The following ARHGAP22 variants were observed in gnomAD, a reference collection of about 807,000 sequenced individuals.
ARHGAP22 encodes the protein rho GTPase-activating protein 22.
Under a neutral mutation model 59.1 loss-of-function variants are expected in ARHGAP22, and 48 were observed. That is an observed-to-expected ratio of 0.81 (90% CI 0.64 to 1.03). The LOEUF is 1.03. Ranked by LOEUF, ARHGAP22 falls within the 50% of genes least tolerant of loss-of-function variation. The pLI, the probability that ARHGAP22 is intolerant of heterozygous loss-of-function variation, is 0.00. For missense variants in ARHGAP22, 1,015 were observed against 958.7 expected (o/e 1.06, Z -0.78); for synonymous variants, 445 against 416.4 (o/e 1.07, Z -0.84).
At chr10:48,618,388 TAAC>T (rs1458498794) in intron 1 of ARHGAP22, among the ~76,000 whole-genome samples, 1 of 151,758 alleles carries the variant, frequency 6.6e-6, no homozygotes, top group East Asian at 1.9e-4. Flanking sequence ...AAGGACACAA[TAAC>T]AACAACAAAA....
At chr10:48,494,573 A>C (rs2050735315) in intron 3 of ARHGAP22, among the ~76,000 whole-genome samples, 1 of 152,110 alleles carries the variant, frequency 6.6e-6, no homozygotes, top group East Asian at 1.9e-4. Context: ...CTGCCCATCT[A>C]TCCATCTGCT....
intron 3 of ARHGAP22, chr10:48,493,334 T>C (rs143760197): frequency 3.6e-5 from 43 of 1,188,066 alleles, no homozygotes; most frequent in Non-Finnish European, 5.1e-5. Context: ...TCTCTTTACC[T>C]GGTTGCGGCC....
At chr10:48,554,691 C>T (rs2057169233) in intron 3 of ARHGAP22, among the ~76,000 whole-genome samples, 1 of 152,174 alleles carries the variant, frequency 6.6e-6, no homozygotes, top group Admixed American at 6.5e-5. Context: ...GGTAGAGCCC[C>T]AGCCTCACTT....
At chr10:48,539,290 C>CTTTTTTTTTTTTTTTTTTTTTTTTTT (rs553835954) in intron 3 of ARHGAP22, among the ~76,000 whole-genome samples, 1 of 129,336 alleles carries the variant, frequency 7.7e-6, no homozygotes, top group African/African-American at 3.1e-5. Flanking sequence ...AGAAGGGTAA[C>CTTTTTTTTTTTTTTTTTTTTTTTTTT]ATTTTTTTTT....
chr10:48,655,068 C>CCCTCCCTCCTTCTCTTCTCTTCTCTTCT (rs2062744209), upstream of ARHGAP22, among the ~76,000 whole-genome samples: 1 of 22,126 alleles, frequency 4.5e-5, no homozygotes, highest in African/African-American at 1.9e-4. Flanking sequence ...TTCCTTCCCT[C>CCCTCCCTCCTTCTCTTCTCTTCTCTTCT]CTTCTCTTCT....
Position 48,451,127 on chromosome 10 carries a change from G to A in ARHGAP22, c.1002C>T (p.Val334=). The A allele has an allele frequency of 6.4e-7, 1 of 1,552,358 alleles. No homozygotes were observed. The highest frequency in any genetic ancestry group is 1.2e-5 in the South Asian group (1 of 84,130). The change falls in exon 9 of 10, where the codon GTC becomes GTT. Residue 334 remains valine, a synonymous_variant. Transcript: ENST00000249601. ...GGATGAGGACGGTCATCAGGTGCTG[G>A]ACGAGGGAAGTGCCTGCCGGGAAGA... The part of the protein sequence containing the change: ...PVTIMEGTSL[V]QHLMTVLIRK...
At chr10:48,490,731 C>T (rs1317509586) in intron 3 of ARHGAP22, among the ~76,000 whole-genome samples, 3 of 152,168 alleles carry the variant, frequency 2.0e-5, no homozygotes, top group African/African-American at 4.8e-5. Flanking sequence ...TGGGCCCATC[C>T]GTTCTCAGGC....
At chr10:48,538,034 A>G (rs1480995325) in intron 3 of ARHGAP22, among the ~76,000 whole-genome samples, 1 of 152,340 alleles carries the variant, frequency 6.6e-6, no homozygotes, top group Non-Finnish European at 1.5e-5. Flanking sequence ...TAGGGATGCC[A>G]TAACTAACTC....
chr10:48,569,637 A>T (rs1197927145), intron 2 of ARHGAP22, among the ~76,000 whole-genome samples: 1 of 152,242 alleles, frequency 6.6e-6, no homozygotes, highest in Non-Finnish European at 1.5e-5. Context: ...GGATTGCTCT[A>T]TTATAAGTGT....
intron 3 of ARHGAP22, among the ~76,000 whole-genome samples, chr10:48,518,874 G>T (rs1427203800): frequency 6.6e-6 from 1 of 152,126 alleles, no homozygotes; most frequent in Non-Finnish European, 1.5e-5. Flanking sequence ...AATAGAACTG[G>T]CAGGATGTGG....
chr10:48,593,840 G>A (rs974481786), intron 1 of ARHGAP22, among the ~76,000 whole-genome samples: 2 of 152,200 alleles, frequency 1.3e-5, no homozygotes, highest in Non-Finnish European at 2.9e-5. Context: ...AAAAGACATT[G>A]CAATGTATTC....
intron 1 of ARHGAP22, among the ~76,000 whole-genome samples, chr10:48,643,313 T>C (rs185865556): frequency 9.9e-5 from 15 of 152,264 alleles, no homozygotes; most frequent in African/African-American, 3.1e-4. Flanking sequence ...CGCATGTTTA[T>C]TGCGGCACTA....
At chr10:48,550,708 T>G (rs1385676500) in intron 3 of ARHGAP22, among the ~76,000 whole-genome samples, 1 of 152,222 alleles carries the variant, frequency 6.6e-6, no homozygotes, top group East Asian at 1.9e-4. Flanking sequence ...AAATACATTC[T>G]TGTGTCAAGA....
chr10:48,506,332 C>A (rs1324968076), intron 3 of ARHGAP22, among the ~76,000 whole-genome samples: 1 of 152,216 alleles, frequency 6.6e-6, no homozygotes. Flanking sequence ...CAGCCCATTG[C>A]TCCTACAGTA....
At chr10:48,455,230 C>A in intron 5 of ARHGAP22, 96 bp from the exon 6 acceptor site, 1 of 1,396,080 alleles carries the variant, frequency 7.2e-7, no homozygotes, top group South Asian at 1.6e-5. Context: ...AGCCTCTGGT[C>A]TCAGGTGCAT....
intron 1 of ARHGAP22, among the ~76,000 whole-genome samples, chr10:48,643,576 G>A (rs780781200): frequency 1.3e-5 from 2 of 149,548 alleles, no homozygotes; most frequent in Non-Finnish European, 1.5e-5. Context: ...ACACACGAAG[G>A]GGAACATCAC....
In ARHGAP22 at chr10:48,489,730, CT is replaced by C. The variant is rs377099863; in HGVS notation, c.323-9967del. On this transcript the variant is annotated intron_variant, in intron 3 of 9. Coordinates refer to ENST00000249601, the MANE Select transcript of ARHGAP22 (RefSeq NM_021226.4). ...ACATGACAGACTTCTGAGGCTGCCTCTTTTTTTTTTTTTTTTTTTTTGAGAC... is the reference window on the plus strand; with the variant it reads ...ACATGACAGACTTCTGAGGCTGCCTCTTTTTTTTTTTTTTTTTTTTGAGAC... Among the ~76,000 whole-genome samples the C allele has an allele frequency of 6.7e-3, 807 of 119,574 alleles. 3 individuals carry two copies. Among genetic ancestry groups the C allele is most frequent in the African/African-American group, 0.021 (654 of 30,916 alleles). 78.4% of individuals were successfully genotyped at this position (119,574 alleles called of 152,430 possible).
At chr10:48,505,535 C>G (rs918066197) in intron 3 of ARHGAP22, among the ~76,000 whole-genome samples, 1 of 152,074 alleles carries the variant, frequency 6.6e-6, no homozygotes, top group East Asian at 1.9e-4. Context: ...CTCCTGCCAC[C>G]GAGCCCCATC....
chr10:48,506,571 G>A (rs528445466), intron 3 of ARHGAP22, among the ~76,000 whole-genome samples: 133 of 152,244 alleles, frequency 8.7e-4, no homozygotes, highest in African/African-American at 3.1e-3. Flanking sequence ...ATCCAGACAC[G>A]TAAGAAGTAC....
Sources: gnomAD v4.1 joint callset for allele counts (sites outside exome capture counted in the v4.1 genomes callset) on GRCh38, gnomAD v4.1.1 for gene constraint, MANE v1.5 for transcripts, NCBI Gene and HGNC (gene_info 2026-07-23, HGNC 2026-07-21) for gene names.